Variants in MIDEAS observed in about 807,000 individuals in gnomAD.
MIDEAS encodes mitotic deacetylase associated SANT domain protein.
A neutral mutation model predicts 102.7 loss-of-function variants in MIDEAS; 26 were observed. The observed-to-expected ratio is 0.25, with a 90% CI of 0.19 to 0.35. The LOEUF is 0.35. Ranked by LOEUF, MIDEAS falls within the 10% of genes least tolerant of loss-of-function variation. The probability of loss-of-function intolerance (pLI) is 1.00; values close to 1 mark genes in which losing one functional copy is unlikely to be tolerated. For synonymous variants in MIDEAS, 585 were observed against 591.0 expected (o/e 0.99, Z 0.15); for missense variants, 1,231 against 1,435.6 (o/e 0.86, Z 2.30).
In MIDEAS at chr14:73,726,650, T is replaced by C. The variant is rs1284015044; in HGVS notation, c.2363A>G (p.Gln788Arg). Reference protein sequence around the residue: ...SSIFPGAGTNQELALHCLHES... With the variant: ...SSIFPGAGTNRELALHCLHES... ...GTGCAGACAGTGCAGGGCCAGCTCCTGGTTGGTGCCAGCACCAGGGAAAAT... is the reference window on the plus strand; with the variant it reads ...GTGCAGACAGTGCAGGGCCAGCTCCCGGTTGGTGCCAGCACCAGGGAAAAT... The change falls in exon 7 of 13, where the codon CAG becomes CGG. Residue 788 changes from glutamine (Q) to arginine (R), a missense_variant. By Grantham distance (43) the Gln-to-Arg change is conservative. Around this residue, in one of 5 missense-constraint regions of MIDEAS, gnomAD observed 391 missense variants for 483.0 expected, o/e 0.81. Transcript: ENST00000423556. 1 of 1,614,242 alleles carries C rather than the reference T, an allele frequency of 6.2e-7. No individual in the cohort carries two copies. Among genetic ancestry groups the C allele is most frequent in the Admixed American group, 1.7e-5 (1 of 60,034 alleles).
At chr14:73,768,468 T>C (rs1382108554) in intron 1 of MIDEAS, among the ~76,000 whole-genome samples, 2 of 152,034 alleles carry the variant, frequency 1.3e-5, no homozygotes, top group Admixed American at 6.6e-5. Context: ...GTGTTTTATT[T>C]GACTCACATA....
In MIDEAS at chr14:73,739,736, C is replaced by T; in HGVS notation, c.273G>A (p.Gln91=). 6.2e-7 allele frequency: 1 copy of T among 1,613,968 alleles called. No homozygotes were observed. Among genetic ancestry groups the T allele is most frequent in the Non-Finnish European group, 8.5e-7 (1 of 1,180,026 alleles). The change falls in exon 2 of 13, where the codon CAG becomes CAA. Residue 91 remains glutamine (Q), a synonymous_variant. Coordinates refer to ENST00000423556, the MANE Select transcript of MIDEAS (RefSeq NM_001367710.1). ...AGTTGGGCCACTTTACTGAGGCCAC[C>T]TGCTGGGACAGCATGGCTGCTGAGG... ...ERTSAAMLSQ[Q]VASVKWPNSV... is the part of the protein sequence containing the mutation.
chr14:73,769,745 G>A (rs2053625071), intron 1 of MIDEAS, among the ~76,000 whole-genome samples: 1 of 151,932 alleles, frequency 6.6e-6, no homozygotes, highest in South Asian at 2.1e-4. Flanking sequence ...GGGACTGTAG[G>A]CACGCACCAC....
intron 1 of MIDEAS, among the ~76,000 whole-genome samples, chr14:73,773,330 C>T (rs2053658897): frequency 6.6e-6 from 1 of 151,810 alleles, no homozygotes; most frequent in Admixed American, 6.6e-5. Context: ...GGAGGTAATA[C>T]AATTGATTTT....
chr14:73,739,217 G>A lies in MIDEAS; in HGVS notation c.792C>T (p.Ala264=). Residue 264 remains alanine, a synonymous_variant, in exon 2 of 13, where the codon GCC becomes GCT. Transcript: ENST00000423556. ...PQQQQQQQQA[A]LPQMPLFENF... ...TCTCAAAGAGCGGCATCTGGGGTAGGGCTGCCTGCTGCTGCTGCTGCTGCT... is the reference window on the plus strand; with the variant it reads ...TCTCAAAGAGCGGCATCTGGGGTAGAGCTGCCTGCTGCTGCTGCTGCTGCT... 6.2e-7 allele frequency: 1 copy of A among 1,612,972 alleles called. No homozygotes were observed. The highest frequency in any genetic ancestry group is 1.7e-4 in the Middle Eastern group (1 of 6,058).
At chr14:73,764,339 CAAAAAA>C (rs5809629), upstream of MIDEAS, among the ~76,000 whole-genome samples, 7 of 88,256 alleles carry the variant, frequency 7.9e-5, no homozygotes, top group South Asian at 4.1e-4. Context: ...GACCCTGTCT[CAAAAAA>C]AAAAAAAAAA....
chr14:73,784,319 G>A (rs1367777870), intron 1 of MIDEAS, among the ~76,000 whole-genome samples: 1 of 152,234 alleles, frequency 6.6e-6, no homozygotes, highest in Non-Finnish European at 1.5e-5. Context: ...CAACTTCGGG[G>A]CAAGCTCCCT....
intron 1 of MIDEAS, among the ~76,000 whole-genome samples, chr14:73,775,209 T>C (rs182738022): frequency 1.3e-5 from 2 of 151,084 alleles, no homozygotes; most frequent in Admixed American, 1.3e-4. Flanking sequence ...AGGGAAGGGG[T>C]AGTGGTAAGA....
chr14:73,718,712 C>T lies in MIDEAS; in HGVS notation c.*131G>A. ...AAAAGAGCCGTTTATGTCATTGTCT[C>T]ATTTGTTTCGCAGGGAAAAGTCCCT... is the stretch of plus-strand genomic sequence containing the variant. On this transcript the variant is annotated 3_prime_UTR_variant, in exon 13 of 13. Coordinates refer to ENST00000423556, the MANE Select transcript of MIDEAS (RefSeq NM_001367710.1). 1 of 952,114 alleles carries T rather than the reference C, an allele frequency of 1.1e-6. No homozygotes were observed. The highest frequency in any genetic ancestry group is 3.4e-5 in the East Asian group (1 of 29,512). 59.0% of individuals were successfully genotyped at this position (952,114 alleles called of 1,614,324 possible).
rs72374466 is a variant in MIDEAS at position 73,781,734 on chromosome 14, C to CAAAAAA, written c.-248+5362_-248+5367dup. ...GGGCAACAAGAGCGAAACTCTGTCT[C>CAAAAAA]AAAAAAAAAAAAAAAAAAAAAACTG... On this transcript the variant is annotated intron_variant, in intron 1 of 11. Coordinates refer to the MIDEAS transcript ENST00000394071. 3.0e-4 allele frequency among the ~76,000 whole-genome samples: 22 copies of CAAAAAA among 73,550 alleles called. 3 individuals carry two copies. Among genetic ancestry groups the CAAAAAA allele is most frequent in the African/African-American group, 6.1e-4 (10 of 16,320 alleles). 48.3% of individuals were successfully genotyped at this position (73,550 alleles called of 152,430 possible). A position where few individuals can be genotyped will look rare whatever the true frequency, so the allele number is the denominator to read the frequency against.
intron 1 of MIDEAS, among the ~76,000 whole-genome samples, chr14:73,748,768 CAAAAA>C (rs55972902): frequency 5.6e-5 from 7 of 124,604 alleles, no homozygotes; most frequent in Admixed American, 2.4e-4. Context: ...GACTCCGTCT[CAAAAA>C]AAAAAAAAAA....
intron 4 of MIDEAS, 109 bp downstream of exon 4, chr14:73,729,531 T>C (rs1595258587): frequency 1.1e-6 from 1 of 891,950 alleles, no homozygotes; most frequent in South Asian, 1.8e-5. Context: ...CAGAGCTCCT[T>C]CTCCCAGAGT....
chr14:73,762,462 A>G (rs1009206651), upstream of MIDEAS, among the ~76,000 whole-genome samples: 20 of 152,192 alleles, frequency 1.3e-4, no homozygotes, highest in Non-Finnish European at 2.6e-4. Flanking sequence ...CAGGCCACCT[A>G]AGAAAGGAGA....
At chr14:73,726,222 T>G in intron 7 of MIDEAS, 114 bp from the exon 8 acceptor site, 1 of 886,934 alleles carries the variant, frequency 1.1e-6, no homozygotes, top group Non-Finnish European at 1.8e-6. Context: ...CTTGCCCCCT[T>G]AACTGCTGAG....
At chr14:73,758,932 G>T (rs911758600) in intron 1 of MIDEAS, 1 of 152,702 alleles carries the variant, frequency 6.5e-6, no homozygotes, top group African/African-American at 2.4e-5. Context: ...TGCGACTTGG[G>T]AGGCGACGTG....
intron 1 of MIDEAS, among the ~76,000 whole-genome samples, chr14:73,757,268 T>A (rs1432093823): frequency 6.6e-5 from 2 of 30,266 alleles, no homozygotes; most frequent in East Asian, 5.1e-3. Context: ...AAAGACCCTA[T>A]CTCTAACAAC....
intron 1 of MIDEAS, among the ~76,000 whole-genome samples, chr14:73,783,795 T>C (rs1046337771): frequency 1.8e-4 from 28 of 152,208 alleles, no homozygotes; most frequent in African/African-American, 6.3e-4. Context: ...GAAACAAATC[T>C]GCAGGACAGA....
chr14:73,756,295 T>TGTGCGCGCGC (rs55692592), intron 1 of MIDEAS, among the ~76,000 whole-genome samples: 57 of 127,714 alleles, frequency 4.5e-4, no homozygotes, highest in Non-Finnish European at 5.5e-4. Flanking sequence ...TGTGTGTGTG[T>TGTGCGCGCGC]GCGCGCGCGC....
intron 1 of MIDEAS, among the ~76,000 whole-genome samples, chr14:73,776,580 G>A (rs2053690807): frequency 6.7e-6 from 1 of 150,184 alleles, no homozygotes; most frequent in African/African-American, 2.4e-5. Context: ...CAAGAGGGAT[G>A]CCCTGTCTCC....
Sources: gnomAD v4.1 joint callset for allele counts (sites outside exome capture counted in the v4.1 genomes callset) on GRCh38, gnomAD v4.1.1 for gene constraint, gnomAD v4.1.1 regional missense constraint, MANE v1.5 for transcripts, NCBI Gene and HGNC (gene_info 2026-07-23, HGNC 2026-07-21) for gene names.